The following EPB41L1 variants were observed in gnomAD, a reference collection of about 807,000 sequenced individuals.
EPB41L1 encodes the protein erythrocyte membrane protein band 4.1 like 1, also known as band 4.1-like protein 1.
EPB41L1 carries 29 observed loss-of-function variants against 97.8 expected under a neutral mutation model. That is an observed-to-expected ratio of 0.30 (90% CI 0.22 to 0.40). The LOEUF is 0.40. EPB41L1 is among the 10% of genes least tolerant of loss of function. EPB41L1 has a pLI of 1.00. For missense variants in EPB41L1, 812 were observed against 1,162.3 expected (o/e 0.70, Z 4.38); for synonymous variants, 383 against 459.2 (o/e 0.83, Z 2.12).
At chr20:36,120,787 C>T (rs1008655178) in intron 2 of EPB41L1, among the ~76,000 whole-genome samples, 1 of 152,132 alleles carries the variant, frequency 6.6e-6, no homozygotes, top group African/African-American at 2.4e-5. Context: ...TACAGAGGCA[C>T]ACATGGCAGG....
chr20:36,222,271 C>T lies in EPB41L1; in HGVS notation c.2521-7C>T. On this transcript the variant is annotated splice_polypyrimidine_tract_variant and splice_region_variant and intron_variant, in intron 20 of 21. Transcript: ENST00000338074. ...TGGTTCCTTCCTTTGCTGTTCTTTA[C>T]CACCAGGCCCTGGCTTTGGCCATCA... 1 of 1,610,630 alleles carries T rather than the reference C, an allele frequency of 6.2e-7. No homozygotes were observed. The highest frequency in any genetic ancestry group is 8.5e-7 in the Non-Finnish European group (1 of 1,176,784).
rs1446243888 is a variant in EPB41L1 at position 36,137,628 on chromosome 20, G to A, written c.-10+25148G>A. The stretch of plus-strand genomic sequence containing the variant: ...CAATCTCCGCCTCCTGGGTTCAAGC[G>A]ATTCTTCTGCCTCAGCCTCCTGAGT... On this transcript the variant is annotated intron_variant, in intron 2 of 19. Coordinates refer to the EPB41L1 transcript ENST00000202028. Among the ~76,000 whole-genome samples, 3 of 151,976 alleles carry A rather than the reference G, an allele frequency of 2.0e-5. No homozygotes were observed. The East Asian group carries it at 5.8e-4, about 29-fold the overall frequency.
intron 2 of EPB41L1, among the ~76,000 whole-genome samples, chr20:36,139,300 A>C (rs1454322661): frequency 6.6e-6 from 1 of 152,222 alleles, no homozygotes; most frequent in East Asian, 1.9e-4. Context: ...ATTCCAGTAC[A>C]ATTGCCTTTT....
intron 1 of EPB41L1, among the ~76,000 whole-genome samples, chr20:36,166,815 A>G (rs977873324): frequency 1.3e-5 from 2 of 152,120 alleles, no homozygotes; most frequent in African/African-American, 4.8e-5. Context: ...CAGTGAGCTG[A>G]GATCATGCCA....
chr20:36,136,059 T>G (rs1337329283), intron 2 of EPB41L1, among the ~76,000 whole-genome samples: 1 of 152,202 alleles, frequency 6.6e-6, no homozygotes, highest in Non-Finnish European at 1.5e-5. Context: ...GTTCCCCCTA[T>G]TTCTTTGGCA....
At position 36,143,068 on chromosome 20, in the gene EPB41L1, C is replaced by T. The variant is rs904606763; in HGVS notation, c.-10+30588C>T. On this transcript the variant is annotated intron_variant, in intron 2 of 19. Coordinates refer to the EPB41L1 transcript ENST00000202028. ...CTCTAAAAATAACTCCTGCCGGTTC[C>T]GAGTGACCGCACCGCCAGGTGTCTG... 3.9e-5 allele frequency among the ~76,000 whole-genome samples: 6 copies of T among 152,038 alleles called. No individual in the cohort carries two copies. The Middle Eastern group carries it at 0.014, about 345-fold the overall frequency.
At chr20:36,176,842 G>A (rs2061258123) in intron 3 of EPB41L1, among the ~76,000 whole-genome samples, 1 of 152,000 alleles carries the variant, frequency 6.6e-6, no homozygotes, top group Non-Finnish European at 1.5e-5. Flanking sequence ...ATGTTGCCCA[G>A]GCTGGTCTCA....
Position 36,206,924 on chromosome 20 carries a change from C to A in EPB41L1, c.1669-2564C>A, listed in dbSNP as rs751329812. ...GTGCATCCCGACCCCCAGGCCTGCG[C>A]CCTTCCTCGGGCCATCCCTCTGAAT... On this transcript the variant is annotated intron_variant, in intron 14 of 21. Coordinates refer to ENST00000338074, the MANE Select transcript of EPB41L1 (RefSeq NM_012156.2). This position sits in a 1 kb window ranked among gnomAD's most constrained non-coding sequence, Gnocchi z 5.5. 16 of 1,289,952 alleles carry A rather than the reference C, an allele frequency of 1.2e-5. No homozygotes were observed. The South Asian group carries it at 1.6e-4, about 13-fold the overall frequency. The allele number at this position is 1,289,952 out of a possible 1,614,324, so 79.9% of individuals were successfully genotyped here. A position where few individuals can be genotyped will look rare whatever the true frequency, so the allele number is the denominator to read the frequency against.
chr20:36,114,785 G>A (rs1230978968), intron 2 of EPB41L1, among the ~76,000 whole-genome samples: 1 of 152,150 alleles, frequency 6.6e-6, no homozygotes, highest in East Asian at 1.9e-4. Context: ...CAATCCAAGG[G>A]AAGGACTCTG....
chr20:36,229,592 T>G lies in EPB41L1; in HGVS notation c.*252T>G. The G allele has an allele frequency of 2.5e-6, 1 of 399,452 alleles. No individual in the cohort carries two copies. The highest frequency in any genetic ancestry group is 3.6e-5 in the East Asian group (1 of 27,466). 24.7% of individuals were successfully genotyped at this position (399,452 alleles called of 1,614,324 possible). On this transcript the variant is annotated 3_prime_UTR_variant, in exon 22 of 22. Transcript: ENST00000338074. ...AGTTGGCTGACAGCAACAACCGACA[T>G]CTGAACACCTACATTTCCTTTGCAG...
intron 7 of EPB41L1, 134 bp downstream of exon 7, chr20:36,185,469 A>G: frequency 1.2e-6 from 1 of 815,256 alleles, no homozygotes; most frequent in Admixed American, 2.0e-5. Flanking sequence ...CTTGAGGTAT[A>G]TCTAAGAGCA....
chr20:36,184,343 C>T (rs1055182344), intron 6 of EPB41L1, among the ~76,000 whole-genome samples: 5 of 151,784 alleles, frequency 3.3e-5, no homozygotes, highest in African/African-American at 9.7e-5. Flanking sequence ...TTTTTTAATA[C>T]ATAGTAACCA....
At chr20:36,111,376 G>A (rs1177953940) in intron 1 of EPB41L1, among the ~76,000 whole-genome samples, 1 of 152,142 alleles carries the variant, frequency 6.6e-6, no homozygotes, top group Non-Finnish European at 1.5e-5. Flanking sequence ...CTCCCTCCAA[G>A]TCTCCTGCCC....
intron 1 of EPB41L1, among the ~76,000 whole-genome samples, chr20:36,170,261 C>G (rs1283823002): frequency 6.6e-6 from 1 of 151,780 alleles, no homozygotes; most frequent in South Asian, 2.1e-4. Flanking sequence ...CTTTTTTGAC[C>G]TCTAACTTAA....
chr20:36,206,026 A>G lies in EPB41L1; in HGVS notation c.1669-3462A>G. 7.8e-7 allele frequency: 1 copy of G among 1,289,908 alleles called. No homozygotes were observed. Among genetic ancestry groups the G allele is most frequent in the Non-Finnish European group, 1.0e-6 (1 of 988,892 alleles). 79.9% of individuals were successfully genotyped at this position (1,289,908 alleles called of 1,614,324 possible). A position where few individuals can be genotyped will look rare whatever the true frequency, so the allele number is the denominator to read the frequency against. ...GGACAAGTTCAAAGTGGAAGTGGCC[A>G]CAGAAGAAATGGTGGGAAACAGAAG... On this transcript the variant is annotated intron_variant, in intron 14 of 21. Coordinates refer to ENST00000338074, the MANE Select transcript of EPB41L1 (RefSeq NM_012156.2). The surrounding 1 kb of genome is among the most constrained non-coding windows in gnomAD (Gnocchi z 5.5).
chr20:36,196,512 C>T (rs1440413714), intron 13 of EPB41L1, among the ~76,000 whole-genome samples: 1 of 152,198 alleles, frequency 6.6e-6, no homozygotes, highest in Non-Finnish European at 1.5e-5. Context: ...GAGGGCAGCT[C>T]AGCTTGGGAA....
intron 15 of EPB41L1, among the ~76,000 whole-genome samples, chr20:36,211,995 A>T (rs910899791): frequency 1.3e-5 from 2 of 152,230 alleles, no homozygotes; most frequent in African/African-American, 2.4e-5. Flanking sequence ...ATGTTCTAAT[A>T]GTAGCCTAAA....
chr20:36,160,589 CA>C (rs1245114940), intron 1 of EPB41L1, among the ~76,000 whole-genome samples: 147 of 113,144 alleles, frequency 1.3e-3, no homozygotes, highest in East Asian at 1.2e-3. Flanking sequence ...GACTCCGTCA[CA>C]AAAAAAAAAA....
At chr20:36,203,350 G>T (rs1340589856) in intron 14 of EPB41L1, among the ~76,000 whole-genome samples, 2 of 152,244 alleles carry the variant, frequency 1.3e-5, no homozygotes, top group African/African-American at 4.8e-5. Context: ...TTCACAAGTT[G>T]CCATTTGGAT....
Sources: gnomAD v4.1 joint callset for allele counts (sites outside exome capture counted in the v4.1 genomes callset) on GRCh38, gnomAD v4.1.1 for gene constraint, Gnocchi (gnomAD v3.1) non-coding constraint, MANE v1.5 for transcripts, NCBI Gene and HGNC (gene_info 2026-07-23, HGNC 2026-07-21) for gene names.